DAB1: variants seen among roughly 807,000 people sequenced by gnomAD.
The protein encoded by DAB1 is disabled homolog 1.
DAB1 carries 15 observed loss-of-function variants against 64.6 expected under a neutral mutation model. The ratio of observed to expected loss-of-function variants is 0.23; its 90% CI spans 0.16 to 0.36. The LOEUF is 0.36. Ranked by LOEUF, DAB1 falls within the 10% of genes least tolerant of loss-of-function variation. The probability of loss-of-function intolerance (pLI) is 1.00; values close to 1 mark genes in which losing one functional copy is unlikely to be tolerated. For missense variants in DAB1, 596 were observed against 706.7 expected, an observed-to-expected ratio of 0.84 and a Z score of 1.78; for synonymous variants, 235 against 251.9, an observed-to-expected ratio of 0.93 and a Z score of 0.64.
chr1:57,063,761 C>T (rs190895473), intron 8 of DAB1, among the ~76,000 whole-genome samples: 2 of 152,324 alleles, frequency 1.3e-5, no homozygotes, highest in Admixed American at 1.3e-4. Flanking sequence ...TAGTTACTGA[C>T]ACATCATTTA....
chr1:57,951,317 C>CATGTATATATATATATATATAT (rs1645271567), intron 5 of DAB1, among the ~76,000 whole-genome samples: 1 of 69,810 alleles, frequency 1.4e-5, no homozygotes, highest in African/African-American at 4.1e-5. Flanking sequence ...GAGCCTGATT[C>CATGTATATATATATATATATAT]ATATATATAT....
intron 4 of DAB1, among the ~76,000 whole-genome samples, chr1:58,290,870 T>C (rs1337133501): frequency 2.0e-5 from 3 of 152,156 alleles, no homozygotes; most frequent in Admixed American, 6.5e-5. Context: ...TTCAGTACCA[T>C]GGAGAGGTGC....
At chr1:58,089,529 T>C (rs2100608135) in intron 5 of DAB1, among the ~76,000 whole-genome samples, 1 of 152,364 alleles carries the variant, frequency 6.6e-6, no homozygotes, top group African/African-American at 2.4e-5. Context: ...TATTCTCTAT[T>C]AGAAATCATG....
intron 7 of DAB1, among the ~76,000 whole-genome samples, chr1:57,496,185 T>A (rs1306044423): frequency 1.3e-5 from 2 of 152,206 alleles, no homozygotes; most frequent in Non-Finnish European, 2.9e-5. Flanking sequence ...ATATCAATAA[T>A]GCCCTTGGGA....
intron 6 of DAB1, among the ~76,000 whole-genome samples, chr1:57,760,457 T>C (rs1263332250): frequency 6.6e-6 from 1 of 152,128 alleles, no homozygotes; most frequent in Non-Finnish European, 1.5e-5. Flanking sequence ...GAATGAGATA[T>C]GGCCCAGGTC....
intron 5 of DAB1, among the ~76,000 whole-genome samples, chr1:57,946,643 G>A (rs1408476326): frequency 6.6e-6 from 1 of 152,154 alleles, no homozygotes; most frequent in African/African-American, 2.4e-5. Flanking sequence ...TCTCTACAAA[G>A]GTTCACTGCA....
At chr1:57,695,388 GAAAGAAAGAAAGAAAGAAAGAAAGAAAGA>G (rs1646827376) in intron 6 of DAB1, among the ~76,000 whole-genome samples, 1 of 78,582 alleles carries the variant, frequency 1.3e-5, no homozygotes, top group African/African-American at 4.8e-5. Flanking sequence ...AAGAAAGAAA[GAAAGAAAGAAAGAAAGAAAGAAAGAAAGA>G]AAGAAAGAAA....
At chr1:57,993,624 C>T (rs993216079) in intron 5 of DAB1, among the ~76,000 whole-genome samples, 1 of 152,158 alleles carries the variant, frequency 6.6e-6, no homozygotes, top group South Asian at 2.1e-4. Flanking sequence ...ACCCTCAAAA[C>T]GCTAAAGAAA....
chr1:57,025,923 G>T, intron 10 of DAB1, 58 bp downstream of exon 10: 1 of 1,384,098 alleles, frequency 7.2e-7, no homozygotes, highest in Non-Finnish European at 9.9e-7. Flanking sequence ...TGGCCACTGA[G>T]GGGATGTGTA....
chr1:58,366,501 A>C (rs990816365), intron 3 of DAB1, among the ~76,000 whole-genome samples: 5 of 152,256 alleles, frequency 3.3e-5, no homozygotes, highest in African/African-American at 1.2e-4. Context: ...TACTATAGGC[A>C]TCAAAGACTT....
rs56655539 is a variant in DAB1 at position 57,697,422 on chromosome 1, T to TAA, written n.552-47759_552-47758dup. ...AGTCAGTACAATAAGCTCACGTTTC[T>TAA]AAAAAAAAAAAAAAAAAAAAAAAAA... On this transcript the variant is annotated intron_variant and non_coding_transcript_variant, in intron 6 of 20. Coordinates refer to the DAB1 transcript ENST00000485760. 7.8e-3 allele frequency among the ~76,000 whole-genome samples: 453 copies of TAA among 57,894 alleles called. 7 individuals carry two copies. Among genetic ancestry groups the TAA allele is most frequent in the Middle Eastern group, 0.013 (1 of 76 alleles). The allele number at this position is 57,894 out of a possible 152,430, so 38.0% of individuals were successfully genotyped here.
chr1:57,480,952 C>T (rs1461072561), intron 7 of DAB1, among the ~76,000 whole-genome samples: 1 of 152,126 alleles, frequency 6.6e-6, no homozygotes, highest in Non-Finnish European at 1.5e-5. Flanking sequence ...TGGACTTGTG[C>T]TTCCTATTTG....
intron 6 of DAB1, among the ~76,000 whole-genome samples, chr1:57,731,810 A>AC (rs1570776489): frequency 6.6e-6 from 1 of 151,648 alleles, no homozygotes; most frequent in East Asian, 1.9e-4. Flanking sequence ...GTCTCAAAAA[A>AC]AAAATAATAA....
At chr1:57,395,707 A>G (rs1682747452) in intron 1 of DAB1, among the ~76,000 whole-genome samples, 1 of 151,756 alleles carries the variant, frequency 6.6e-6, no homozygotes, top group African/African-American at 2.4e-5. Context: ...AATTAATTTA[A>G]GTTTAAATAG....
chr1:58,355,186 A>G (rs1402897811), intron 3 of DAB1, among the ~76,000 whole-genome samples: 1 of 152,204 alleles, frequency 6.6e-6, no homozygotes, highest in East Asian at 1.9e-4. Context: ...CAATTGAGGG[A>G]AGCAAACACA....
intron 2 of DAB1, among the ~76,000 whole-genome samples, chr1:57,233,773 T>A (rs1406821945): frequency 6.6e-6 from 1 of 151,168 alleles, no homozygotes; most frequent in Non-Finnish European, 1.5e-5. Context: ...AAAATAAAAA[T>A]AAAAAAATAA....
At chr1:57,058,238 A>C (rs1412255683) in intron 9 of DAB1, among the ~76,000 whole-genome samples, 1 of 152,302 alleles carries the variant, frequency 6.6e-6, no homozygotes, top group East Asian at 1.9e-4. Context: ...TGGAGGCTGC[A>C]GGTGGAACAG....
At chr1:58,450,438 T>C (rs955501345) in intron 3 of DAB1, among the ~76,000 whole-genome samples, 4 of 152,086 alleles carry the variant, frequency 2.6e-5, no homozygotes, top group African/African-American at 9.7e-5. Context: ...CTGGATTTAG[T>C]GACTCGCTTC....
chr1:58,446,782 T>C (rs1645072356), intron 3 of DAB1, among the ~76,000 whole-genome samples: 1 of 152,222 alleles, frequency 6.6e-6, no homozygotes, highest in African/African-American at 2.4e-5. Flanking sequence ...AAGAGAGAAC[T>C]AAGGATAAGC....
Sources: gnomAD v4.1 joint callset for allele counts (sites outside exome capture counted in the v4.1 genomes callset) on GRCh38, gnomAD v4.1.1 for gene constraint, MANE v1.5 for transcripts, NCBI Gene and HGNC (gene_info 2026-07-23, HGNC 2026-07-21) for gene names.